Variants in CTNND2 observed in about 807,000 individuals in gnomAD.
CTNND2 encodes catenin delta-2.
CTNND2 carries 22 observed loss-of-function variants against 144.4 expected under a neutral mutation model. That is an observed-to-expected ratio of 0.15 (90% CI 0.11 to 0.22). The LOEUF (loss-of-function observed/expected upper bound fraction) is 0.22, where lower values mean the gene tolerates loss of function less well. Among genes scored for constraint, CTNND2 ranks in the 10% least tolerant of loss-of-function variants. CTNND2 has a pLI of 1.00. For synonymous variants in CTNND2, 751 were observed against 695.6 expected, an observed-to-expected ratio of 1.08 and a Z score of -1.25; for missense variants, 1,353 against 1,618.8, an observed-to-expected ratio of 0.84 and a Z score of 2.82.
intron 14 of CTNND2, among the ~76,000 whole-genome samples, chr5:11,102,029 T>C (rs1751945846): frequency 6.6e-6 from 1 of 152,076 alleles, no homozygotes; most frequent in Non-Finnish European, 1.5e-5. Context: ...AAAAGCTTTT[T>C]TGCTGGGTTT....
intron 18 of CTNND2, among the ~76,000 whole-genome samples, chr5:10,995,413 G>C (rs1028290744): frequency 1.3e-5 from 2 of 152,208 alleles, no homozygotes; most frequent in Non-Finnish European, 2.9e-5. Flanking sequence ...GGAGGACCAA[G>C]AGCTGCCTGG....
chr5:11,644,109 A>G (rs1284616658), intron 2 of CTNND2, among the ~76,000 whole-genome samples: 1 of 152,146 alleles, frequency 6.6e-6, no homozygotes. Context: ...CGACTTTATT[A>G]CTTTTGGCTG....
At chr5:11,356,132 T>A (rs1755847309) in intron 8 of CTNND2, among the ~76,000 whole-genome samples, 1 of 152,104 alleles carries the variant, frequency 6.6e-6, no homozygotes, top group African/African-American at 2.4e-5. Flanking sequence ...CAAAGTGATC[T>A]ACAGATTTAC....
chr5:11,493,139 C>T (rs1041550385), intron 3 of CTNND2, among the ~76,000 whole-genome samples: 1 of 152,084 alleles, frequency 6.6e-6, no homozygotes, highest in Non-Finnish European at 1.5e-5. Flanking sequence ...TTTATTCATG[C>T]AATTATTCTT....
At position 11,903,742 on chromosome 5, in the gene CTNND2, A is replaced by G; in HGVS notation, c.37+75T>C. 2.8e-6 allele frequency: 4 copies of G among 1,413,410 alleles called. No individual in the cohort carries two copies. Among genetic ancestry groups the G allele is most frequent in the South Asian group, 1.3e-5 (1 of 75,602 alleles). The allele number at this position is 1,413,410 out of a possible 1,614,324, so 87.6% of individuals were successfully genotyped here. On this transcript the variant is annotated intron_variant, in intron 1 of 21. Transcript: ENST00000304623. This position sits in a 1 kb window ranked among gnomAD's most constrained non-coding sequence, Gnocchi z 5.4. ...CGGCCGGGAGCCCAGGACCACCCCC[A>G]CCAGCGGCAAGAGGAGGAGGACGGC...
intron 9 of CTNND2, among the ~76,000 whole-genome samples, chr5:11,264,137 T>C (rs535006589): frequency 8.5e-5 from 13 of 152,386 alleles, no homozygotes; most frequent in Admixed American, 4.6e-4. Context: ...ATTTGGTCTA[T>C]CTAATATATA....
At chr5:11,641,761 C>CAT (rs1176540990) in intron 2 of CTNND2, among the ~76,000 whole-genome samples, 1 of 144,406 alleles carries the variant, frequency 6.9e-6, no homozygotes, top group Non-Finnish European at 1.5e-5. Context: ...TATGTACATA[C>CAT]ATATACGTAT....
intron 3 of CTNND2, among the ~76,000 whole-genome samples, chr5:11,541,907 T>G (rs1774791459): frequency 6.8e-6 from 1 of 147,622 alleles, no homozygotes; most frequent in Non-Finnish European, 1.5e-5. Context: ...CCAAGCAACT[T>G]TACCACCACA....
At chr5:10,992,827 A>G (rs1272683225) in intron 18 of CTNND2, 150 bp from the exon 19 acceptor site, 1 of 1,029,456 alleles carries the variant, frequency 9.7e-7, no homozygotes, top group East Asian at 2.5e-5. Context: ...CATGGAGGTG[A>G]ACAGAGCCAA....
chr5:11,391,287 G>A (rs1254643007), intron 6 of CTNND2, among the ~76,000 whole-genome samples: 1 of 152,010 alleles, frequency 6.6e-6, no homozygotes, highest in East Asian at 1.9e-4. Context: ...CTGATTAACA[G>A]TTTTAAGAAA....
At chr5:11,119,465 T>A (rs536788334) in intron 12 of CTNND2, among the ~76,000 whole-genome samples, 1 of 152,330 alleles carries the variant, frequency 6.6e-6, no homozygotes, top group African/African-American at 2.4e-5. Context: ...ATAAATTCCA[T>A]CCTGTGATGG....
At chr5:11,686,369 A>G (rs1321078707) in intron 2 of CTNND2, among the ~76,000 whole-genome samples, 2 of 152,168 alleles carry the variant, frequency 1.3e-5, no homozygotes, top group African/African-American at 4.8e-5. Flanking sequence ...ATTAGCCATA[A>G]CTGACCTTAA....
At chr5:10,986,383 A>C (rs1419312949) in intron 20 of CTNND2, among the ~76,000 whole-genome samples, 1 of 152,232 alleles carries the variant, frequency 6.6e-6, no homozygotes, top group Non-Finnish European at 1.5e-5. Context: ...AATGCAGTCG[A>C]TCTCACAACT....
At position 11,177,567 on chromosome 5, in the gene CTNND2, A is replaced by T. The variant is rs181074616; in HGVS notation, c.1976-17808T>A. Among the ~76,000 whole-genome samples the T allele has an allele frequency of 1.6e-4, 25 of 152,220 alleles. No individual in the cohort carries two copies. The East Asian group carries it at 1.7e-3, about 11-fold the overall frequency. On this transcript the variant is annotated intron_variant, in intron 11 of 21. Transcript: ENST00000304623. ...TAAAATATATGTATTATAAGTTATT[A>T]AGAGAAGCTTTTACCTATCACCTCC...
At chr5:11,394,319 T>A (rs551704332) in intron 6 of CTNND2, among the ~76,000 whole-genome samples, 4 of 152,184 alleles carry the variant, frequency 2.6e-5, no homozygotes, top group Non-Finnish European at 5.9e-5. Context: ...CATGGGCTCA[T>A]GGCATCAATT....
chr5:11,073,394 C>T (rs913944844), intron 16 of CTNND2, among the ~76,000 whole-genome samples: 2 of 152,204 alleles, frequency 1.3e-5, no homozygotes, highest in Non-Finnish European at 2.9e-5. Context: ...CCTAAACAGT[C>T]CAAATAAAGT....
intron 9 of CTNND2, among the ~76,000 whole-genome samples, chr5:11,296,825 G>A (rs1278598074): frequency 6.6e-6 from 1 of 152,104 alleles, no homozygotes; most frequent in Non-Finnish European, 1.5e-5. Flanking sequence ...ACACATGGGG[G>A]CCTGTTGTGG....
chr5:11,043,592 C>G (rs1196106741), intron 16 of CTNND2, among the ~76,000 whole-genome samples: 1 of 152,028 alleles, frequency 6.6e-6, no homozygotes, highest in Middle Eastern at 3.4e-3. Context: ...AAAACAGAAG[C>G]AAAAAATGAG....
At chr5:11,393,784 T>C (rs951981162) in intron 6 of CTNND2, among the ~76,000 whole-genome samples, 5 of 152,194 alleles carry the variant, frequency 3.3e-5, no homozygotes, top group South Asian at 2.1e-4. Context: ...TAAATGCAAC[T>C]AACTATAGGA....
Sources: allele counts gnomAD v4.1 joint callset (sites outside exome capture counted in the v4.1 genomes callset), GRCh38; gene constraint gnomAD v4.1.1; non-coding constraint Gnocchi (gnomAD v3.1); transcripts MANE v1.5; gene names NCBI Gene and HGNC (gene_info 2026-07-23, HGNC 2026-07-21).